The following ZDHHC21 variants were observed in gnomAD, a reference collection of about 807,000 sequenced individuals.
The protein encoded by ZDHHC21 is zDHHC palmitoyltransferase 21.
Under a neutral mutation model 34.6 loss-of-function variants are expected in ZDHHC21, and 15 were observed. The ratio of observed to expected loss-of-function variants is 0.43; its 90% CI spans 0.29 to 0.67. ZDHHC21 has a LOEUF of 0.67. Ranked by LOEUF, ZDHHC21 falls within the 30% of genes least tolerant of loss-of-function variation. The pLI is 0.14. For missense variants in ZDHHC21, 344 were observed against 327.7 expected, an observed-to-expected ratio of 1.05 and a Z score of -0.38; for synonymous variants, 142 against 101.8, an observed-to-expected ratio of 1.40 and a Z score of -2.38.
intron 2 of ZDHHC21, among the ~76,000 whole-genome samples, chr9:14,685,867 A>G (rs1356911884): frequency 6.6e-6 from 1 of 152,206 alleles, no homozygotes; most frequent in East Asian, 1.9e-4. Context: ...ATGGAATACT[A>G]TGCAGCCATA....
At chr9:14,653,401 T>C (rs1261644071) in intron 7 of ZDHHC21, among the ~76,000 whole-genome samples, 1 of 152,028 alleles carries the variant, frequency 6.6e-6, no homozygotes, top group African/African-American at 2.4e-5. Context: ...TTTTTCTACC[T>C]TTATGAAAAA....
At chr9:14,634,402 T>C (rs1564239514) in intron 8 of ZDHHC21, among the ~76,000 whole-genome samples, 1 of 152,134 alleles carries the variant, frequency 6.6e-6, no homozygotes, top group Non-Finnish European at 1.5e-5. Context: ...CAAGAATTGG[T>C]CTGTGTGGAC....
At chr9:14,655,892 G>C (rs1832117601) in intron 7 of ZDHHC21, among the ~76,000 whole-genome samples, 2 of 151,328 alleles carry the variant, frequency 1.3e-5, no homozygotes, top group Non-Finnish European at 3.0e-5. Context: ...CTGTCTGTAA[G>C]GCACATTATG....
chr9:14,620,225 A>G (rs996889898), intron 8 of ZDHHC21, among the ~76,000 whole-genome samples: 5 of 152,114 alleles, frequency 3.3e-5, no homozygotes, highest in Admixed American at 6.6e-5. Context: ...AGCGGAAAAA[A>G]TAACTTTTTT....
At chr9:14,636,373 T>C (rs1828305807) in intron 8 of ZDHHC21, among the ~76,000 whole-genome samples, 1 of 152,106 alleles carries the variant, frequency 6.6e-6, no homozygotes, top group African/African-American at 2.4e-5. Flanking sequence ...CAACTCTAAA[T>C]ATATATGCAC....
intron 7 of ZDHHC21, among the ~76,000 whole-genome samples, chr9:14,651,429 G>A (rs758613555): frequency 9.2e-5 from 14 of 151,798 alleles, no homozygotes; most frequent in Non-Finnish European, 1.6e-4. Context: ...AGGGACATGG[G>A]CCCAAATCAC....
At chr9:14,680,010 T>G (rs1303162960) in intron 3 of ZDHHC21, 23 bp downstream of exon 3, 2 of 152,540 alleles carry the variant, frequency 1.3e-5, no homozygotes. Context: ...TATATCACCA[T>G]GTAAAATCAA....
chr9:14,589,225 G>A, the ZDHHC21 span: 2 of 152,110 alleles, frequency 1.3e-5, no homozygotes, highest in South Asian at 2.1e-4. Context: ...ATGAAGAAAA[G>A]GAGAGGCAAC....
chr9:14,635,504 T>C (rs1828130438), intron 8 of ZDHHC21, among the ~76,000 whole-genome samples: 1 of 152,226 alleles, frequency 6.6e-6, no homozygotes, highest in Admixed American at 6.5e-5. Context: ...AGAAACTTTA[T>C]AGGCCAGGAG....
At chr9:14,634,736 A>T (rs1291683916) in intron 8 of ZDHHC21, among the ~76,000 whole-genome samples, 1 of 152,242 alleles carries the variant, frequency 6.6e-6, no homozygotes, top group Non-Finnish European at 1.5e-5. Context: ...ATTGGAAAAA[A>T]CATCTGTTAC....
intron 2 of ZDHHC21, among the ~76,000 whole-genome samples, chr9:14,684,248 G>C (rs1361226013): frequency 2.6e-5 from 4 of 151,572 alleles, no homozygotes; most frequent in Non-Finnish European, 5.9e-5. Flanking sequence ...ATTAGGAAAA[G>C]AGGAAGTCAA....
intron 5 of ZDHHC21, among the ~76,000 whole-genome samples, chr9:14,670,611 G>A (rs1835271565): frequency 6.6e-6 from 1 of 151,998 alleles, no homozygotes; most frequent in Non-Finnish European, 1.5e-5. Context: ...GAATTTATTT[G>A]CTAATCTATG....
chr9:14,631,632 G>C (rs1465658699), intron 8 of ZDHHC21, among the ~76,000 whole-genome samples: 1 of 152,106 alleles, frequency 6.6e-6, no homozygotes, highest in Non-Finnish European at 1.5e-5. Context: ...ATCATTTGTA[G>C]TTTTTGATTT....
intron 5 of ZDHHC21, among the ~76,000 whole-genome samples, chr9:14,667,439 C>T (rs868035120): frequency 0.032 from 4,837 of 151,982 alleles, 260 homozygotes; most frequent in African/African-American, 0.11. Flanking sequence ...GAACTGATAC[C>T]CTTCCTTCTG....
At chr9:14,683,576 A>G (rs1431555958) in intron 2 of ZDHHC21, 1 of 152,188 alleles carries the variant, frequency 6.6e-6, no homozygotes, top group Non-Finnish European at 1.5e-5. Flanking sequence ...CCAACCAAAA[A>G]AAAGTCCAGG....
In ZDHHC21 at chr9:14,690,384, T is replaced by A. The variant is rs1469469467; in HGVS notation, c.-223A>T. ...CTGCAGTAAGTGAAAAAGTTCTTCA[T>A]TCTGTAATTACAGATAAAAAGCTTA... On this transcript the variant is annotated splice_region_variant and 5_prime_UTR_variant, in exon 2 of 10. The change abolishes an upstream ATG in the 5' untranslated region. Transcript: ENST00000380916. 1 of 456,062 alleles carries A rather than the reference T, an allele frequency of 2.2e-6. No homozygotes were observed. Among genetic ancestry groups the A allele is most frequent in the South Asian group, 1.6e-5 (1 of 64,358 alleles). 28.3% of individuals were successfully genotyped at this position (456,062 alleles called of 1,614,324 possible).
In ZDHHC21 at chr9:14,615,361, G is replaced by A. The variant is rs1343001602; in HGVS notation, c.*3605C>T. ...TATGCATTGGCAAAAACGCACTGAT[G>A]TTAATCCTGGCAGATGTTTTAACTC... On this transcript the variant is annotated 3_prime_UTR_variant, in exon 10 of 10. Transcript: ENST00000380916. 6.6e-6 allele frequency: 1 copy of A among 151,594 alleles called. No homozygotes were observed. Among genetic ancestry groups the A allele is most frequent in the African/African-American group, 2.4e-5 (1 of 41,356 alleles). The allele number at this position is 151,594 out of a possible 1,614,324, so 9.4% of individuals were successfully genotyped here. A position where few individuals can be genotyped will look rare whatever the true frequency, so the allele number is the denominator to read the frequency against.
At chr9:14,678,465 G>T (rs921609239) in intron 3 of ZDHHC21, among the ~76,000 whole-genome samples, 1 of 151,844 alleles carries the variant, frequency 6.6e-6, no homozygotes, top group Non-Finnish European at 1.5e-5. Context: ...TACTGATTAG[G>T]AATTAACAAG....
In ZDHHC21 at chr9:14,662,266, T is replaced by G. The variant is rs1587263915; in HGVS notation, c.314A>C (p.His105Pro). 6.2e-7 allele frequency: 1 copy of G among 1,613,152 alleles called. No homozygotes were observed. The highest frequency in any genetic ancestry group is 8.5e-7 in the Non-Finnish European group (1 of 1,179,634). ...CNLMRPKRSHHCSRCGHCVRR... is the reference protein window; with the variant it reads ...CNLMRPKRSHPCSRCGHCVRR... Reference sequence around the variant, plus strand: ...CACACAGTGGCCGCAGCGGCTACAGTGATGGGAACGCTTTGGTCTCATCAA... The same window carrying G: ...CACACAGTGGCCGCAGCGGCTACAGGGATGGGAACGCTTTGGTCTCATCAA... The change falls in exon 6 of 10, where the codon CAC becomes CCC. Residue 105 changes from histidine to proline, a missense_variant. His to Pro is a moderately conservative substitution (Grantham distance 77). Transcript: ENST00000380916.
Sources: allele counts gnomAD v4.1 joint callset (sites outside exome capture counted in the v4.1 genomes callset), GRCh38; gene constraint gnomAD v4.1.1; transcripts MANE v1.5; gene names NCBI Gene and HGNC (gene_info 2026-07-23, HGNC 2026-07-21).